Variants in DPYD observed in about 807,000 individuals in gnomAD.
The protein encoded by DPYD is dihydropyrimidine dehydrogenase, also known as dihydropyrimidine dehydrogenase [NADP(+)].
DPYD carries 109 observed loss-of-function variants against 116.2 expected under a neutral mutation model. The ratio of observed to expected loss-of-function variants is 0.94; its 90% confidence interval spans 0.80 to 1.10. The LOEUF is 1.10. Ranked by LOEUF, DPYD falls within the 50% of genes least tolerant of loss-of-function variation. The pLI is 0.00. For synonymous variants in DPYD, 440 were observed against 432.0 expected (o/e 1.02, Z -0.23); for missense variants, 1,302 against 1,254.5 (o/e 1.04, Z -0.57).
intron 8 of DPYD, among the ~76,000 whole-genome samples, chr1:97,604,498 G>T (rs1655459755): frequency 6.6e-6 from 1 of 151,922 alleles, no homozygotes; most frequent in Admixed American, 6.6e-5. Flanking sequence ...TTCTTTAAAT[G>T]ATAAACTTCT....
At chr1:97,462,728 A>T (rs914703547) in intron 13 of DPYD, among the ~76,000 whole-genome samples, 2 of 152,228 alleles carry the variant, frequency 1.3e-5, no homozygotes, top group Admixed American at 1.3e-4. Flanking sequence ...TTTCTTTAAC[A>T]TATTTTGAAA....
intron 3 of DPYD, among the ~76,000 whole-genome samples, chr1:97,768,189 T>G (rs1665964860): frequency 6.6e-6 from 1 of 152,150 alleles, no homozygotes; most frequent in Non-Finnish European, 1.5e-5. Context: ...GCCCAAATAA[T>G]TCTTGATTTT....
intron 3 of DPYD, among the ~76,000 whole-genome samples, chr1:97,757,643 T>A (rs1310515597): frequency 6.6e-6 from 1 of 152,232 alleles, no homozygotes; most frequent in Non-Finnish European, 1.5e-5. Context: ...CTCCCATTAC[T>A]ATAAATAGGA....
chr1:97,694,155 T>C (rs1221562269), intron 6 of DPYD, among the ~76,000 whole-genome samples: 2 of 152,182 alleles, frequency 1.3e-5, no homozygotes, highest in East Asian at 3.9e-4. Context: ...CTTAGCACAG[T>C]GTTAAACGAA....
chr1:97,399,085 A>G (rs933474607), intron 14 of DPYD, among the ~76,000 whole-genome samples: 1 of 152,200 alleles, frequency 6.6e-6, no homozygotes, highest in Non-Finnish European at 1.5e-5. Flanking sequence ...TTTAGGTCTA[A>G]CATGTAAGTC....
rs566861530 is a variant in DPYD at position 97,556,181 on chromosome 1, C to T, written c.1340-6437G>A. Among the ~76,000 whole-genome samples, 137 of 152,222 alleles carry T rather than the reference C, an allele frequency of 9.0e-4. 1 individual carries two copies. The South Asian group carries it at 0.027, about 30-fold the overall frequency. On this transcript the variant is annotated intron_variant, in intron 11 of 22. Transcript: ENST00000370192. ...TAAGGTGCCTCCCCCTTGTTGTGCT[C>T]CTTGATTTCTCAGCAAAATTCAACA...
At position 97,375,071 on chromosome 1, in the gene DPYD, T is replaced by C. The variant is rs370568197; in HGVS notation, c.1975-1427A>G. 2.5e-4 allele frequency among the ~76,000 whole-genome samples: 37 copies of C among 150,740 alleles called. 1 individual carries two copies. In the South Asian group the frequency reaches 7.0e-3, roughly 29 times the overall value. On this transcript the variant is annotated intron_variant, in intron 15 of 22. Transcript: ENST00000370192. ...AAAGTTATTACAGTAATTTTAGAGA[T>C]GGAGGAATAAACTAGCTGATTCAAA...
chr1:97,495,803 G>A (rs1459002133), intron 13 of DPYD, among the ~76,000 whole-genome samples: 1 of 151,898 alleles, frequency 6.6e-6, no homozygotes, highest in Non-Finnish European at 1.5e-5. Context: ...TTCTATGTTA[G>A]TTTTAGATCT....
chr1:97,834,934 ACTG>A (rs1483280925), intron 2 of DPYD, among the ~76,000 whole-genome samples: 2 of 152,068 alleles, frequency 1.3e-5, no homozygotes, highest in African/African-American at 4.8e-5. Context: ...TGAACATTCT[ACTG>A]TCAATATATG....
chr1:97,214,389 T>C (rs963704011), intron 19 of DPYD, among the ~76,000 whole-genome samples: 4 of 152,200 alleles, frequency 2.6e-5, no homozygotes, highest in African/African-American at 9.7e-5. Flanking sequence ...ATAGCATGGA[T>C]AGATTCTATC....
intron 2 of DPYD, chr1:97,855,454 C>T (rs1486706464): frequency 1.3e-5 from 2 of 151,956 alleles, no homozygotes; most frequent in Non-Finnish European, 2.9e-5. Context: ...AAAAAAATGG[C>T]CTTAAATCAA....
chr1:97,397,135 T>G (rs1557683734), intron 14 of DPYD, among the ~76,000 whole-genome samples: 1 of 152,046 alleles, frequency 6.6e-6, no homozygotes, highest in African/African-American at 2.4e-5. Context: ...ATTAATAAAT[T>G]TTTTAAACCT....
intron 14 of DPYD, among the ~76,000 whole-genome samples, chr1:97,433,681 C>T (rs1675305862): frequency 1.3e-5 from 2 of 152,068 alleles, no homozygotes; most frequent in South Asian, 2.1e-4. Flanking sequence ...TATCTATTAT[C>T]CTAGCAGTCT....
chr1:97,706,357 T>C (rs1464224825), intron 5 of DPYD, among the ~76,000 whole-genome samples: 1 of 151,928 alleles, frequency 6.6e-6, no homozygotes, highest in African/African-American at 2.4e-5. Context: ...GCCTCCCTAT[T>C]ATCAACATCC....
Position 97,082,454 on chromosome 1 carries a change from G to A in DPYD, c.2783C>T (p.Ala928Val), listed in dbSNP as rs775494607. The change falls in exon 22 of 23, where the codon GCA (alanine) becomes GTA (valine). Residue 928 changes from alanine (A) to valine (V), a missense_variant. Physicochemically the swap from Ala to Val is moderately conservative, Grantham distance 64. Coordinates refer to ENST00000370192, the MANE Select transcript of DPYD (RefSeq NM_000110.4). ...ACCAAATGTTCCAAGGTACTGCAGTGCTTTTCCTATTACATCCTAAAAATA... is the reference window on the plus strand; with the variant it reads ...ACCAAATGTTCCAAGGTACTGCAGTACTTTTCCTATTACATCCTAAAAATA... Reference protein sequence around the residue: ...IPTIKDVIGKALQYLGTFGEL... With the variant: ...IPTIKDVIGKVLQYLGTFGEL... 1.1e-5 allele frequency: 18 copies of A among 1,613,298 alleles called. No homozygotes were observed.
At chr1:97,721,247 C>A (rs113493157) in intron 5 of DPYD, among the ~76,000 whole-genome samples, 2 of 151,716 alleles carry the variant, frequency 1.3e-5, no homozygotes, top group African/African-American at 4.8e-5. Flanking sequence ...GTTCTATTTT[C>A]GGATCATCTA....
chr1:97,576,993 C>T (rs1327308573), intron 10 of DPYD, among the ~76,000 whole-genome samples: 1 of 152,076 alleles, frequency 6.6e-6, no homozygotes, highest in Non-Finnish European at 1.5e-5. Flanking sequence ...ATATCATTTG[C>T]ATATATATAT....
At chr1:97,511,473 GA>G (rs2101963028) in intron 13 of DPYD, among the ~76,000 whole-genome samples, 1 of 152,016 alleles carries the variant, frequency 6.6e-6, no homozygotes, top group Non-Finnish European at 1.5e-5. Context: ...ATATTTGTTA[GA>G]TTTTTTTCTA....
rs188588324 is a variant in DPYD at position 97,511,443 on chromosome 1, C to T, written c.1740+4283G>A. Among the ~76,000 whole-genome samples the T allele has an allele frequency of 6.5e-3, 988 of 152,086 alleles. 7 individuals are homozygous for T. Among genetic ancestry groups the T allele is most frequent in the Middle Eastern group, 0.02 (6 of 294 alleles). ...GCCTCCCAGGCCAAAGTACCTTTCC[C>T]CACACTACACTGCTTCTCCATATTT... On this transcript the variant is annotated intron_variant, in intron 13 of 22. Coordinates refer to ENST00000370192, the MANE Select transcript of DPYD (RefSeq NM_000110.4).
Sources: gnomAD v4.1 joint callset for allele counts (sites outside exome capture counted in the v4.1 genomes callset) on GRCh38, gnomAD v4.1.1 for gene constraint, MANE v1.5 for transcripts, NCBI Gene and HGNC (gene_info 2026-07-23, HGNC 2026-07-21) for gene names.